SORD: variants seen among roughly 807,000 people sequenced by gnomAD.
The protein encoded by SORD is sorbitol dehydrogenase.
Under a neutral mutation model 35.6 loss-of-function variants are expected in SORD, and 18 were observed. That is an observed-to-expected ratio of 0.51 (90% confidence interval 0.35 to 0.75). SORD has a LOEUF of 0.75. SORD is among the 30% of genes least tolerant of loss of function. The pLI is 0.01. For missense variants in SORD, 250 were observed against 390.2 expected (o/e 0.64, Z 3.03); for synonymous variants, 106 against 152.9 (o/e 0.69, Z 2.26).
At position 45,073,592 on chromosome 15, in the gene SORD, T is replaced by A; in HGVS notation, c.*62T>A. 7.1e-6 allele frequency: 11 copies of A among 1,538,632 alleles called. No individual in the cohort carries two copies. The highest frequency in any genetic ancestry group is 9.6e-6 in the Non-Finnish European group (11 of 1,147,646). On this transcript the variant is annotated 3_prime_UTR_variant, in exon 9 of 9. Transcript: ENST00000267814. The stretch of plus-strand genomic sequence containing the variant: ...GATCTCAGGGCACAATGGCTGGACA[T>A]GGGTGGGCTCTGATGCAGAACTTTC...
Position 45,023,307 on chromosome 15 carries a change from C to T in SORD, c.24C>T (p.Asn8=). 1 of 1,591,284 alleles carries T rather than the reference C, an allele frequency of 6.3e-7. No individual in the cohort carries two copies. Among genetic ancestry groups the T allele is most frequent in the South Asian group, 1.1e-5 (1 of 87,280 alleles). MAAAAKP[N]NLSLVVHGPG... ...CCATGGCGGCGGCGGCCAAGCCCAA[C>T]AACCTTTCCCTGGTGGTGCACGGAC... is the stretch of plus-strand genomic sequence containing the variant. The change falls in exon 1 of 9, where the codon AAC becomes AAT. Residue 8 remains asparagine (N), a synonymous_variant. Transcript: ENST00000267814.
rs1437753472 is a variant in SORD, at chr15:45,053,914, G to A, written c.266-7153G>A. ...GCGGTGTTTGGTTTTTTGTCCTTGC[G>A]ATAGTTTACCGAGAATGATGATTTC... is the stretch of plus-strand genomic sequence containing the variant. On this transcript the variant is annotated intron_variant, in intron 3 of 8. Transcript: ENST00000267814. 2.5e-4 allele frequency among the ~76,000 whole-genome samples: 34 copies of A among 138,278 alleles called. 1 individual carries two copies. Among genetic ancestry groups the A allele is most frequent in the Non-Finnish European group, 3.1e-5 (2 of 64,522 alleles). 90.7% of individuals were successfully genotyped at this position (138,278 alleles called of 152,430 possible). A position where few individuals can be genotyped will look rare whatever the true frequency, so the allele number is the denominator to read the frequency against.
intron 1 of SORD, among the ~76,000 whole-genome samples, chr15:45,029,816 T>G (rs1180170235): frequency 6.6e-6 from 1 of 152,226 alleles, no homozygotes; most frequent in Non-Finnish European, 1.5e-5. Flanking sequence ...GGAGAGGGGA[T>G]GGGAAGGGCA....
At position 45,064,113 on chromosome 15, in the gene SORD, G is replaced by T. The variant is rs553123025; in HGVS notation, c.426-1158G>T. Among the ~76,000 whole-genome samples, 280 of 149,300 alleles carry T rather than the reference G, an allele frequency of 1.9e-3. 1 individual carries two copies. The highest frequency in any genetic ancestry group is 6.8e-3 in the African/African-American group (277 of 40,770). On this transcript the variant is annotated intron_variant, in intron 4 of 8. Transcript: ENST00000267814. ...ATTTATTTCTTTTTGGAACTTGAGGGTTTTCCTGTTCCTGTGTGTGCAGAT... is the reference window on the plus strand; with the variant it reads ...ATTTATTTCTTTTTGGAACTTGAGGTTTTTCCTGTTCCTGTGTGTGCAGAT...
intron 3 of SORD, among the ~76,000 whole-genome samples, chr15:45,058,143 A>C (rs946659436): frequency 2.6e-4 from 40 of 152,228 alleles, no homozygotes; most frequent in African/African-American, 7.7e-4. Context: ...GAATGGAAGA[A>C]AATGTGATAG....
At chr15:45,066,277 C>T (rs934890115) in intron 5 of SORD, among the ~76,000 whole-genome samples, 6 of 146,742 alleles carry the variant, frequency 4.1e-5, no homozygotes, top group African/African-American at 1.0e-4. Flanking sequence ...ATTAATCTGG[C>T]GATTATTTTT....
rs1185573721 is a variant in SORD at position 45,073,459 on chromosome 15, T to C, written c.1003T>C (p.Phe335Leu). ...RFPLEKALEA[F>L]ETFKKGLGLK... ...TCCTCTGGAGAAAGCTCTGGAGGCC[T>C]TTGAAACATTTAAAAAGGGATTGGG... The change falls in exon 9 of 9, where the codon TTT (phenylalanine) becomes CTT (leucine). Residue 335 changes from phenylalanine to leucine, a missense_variant. Phe to Leu is a conservative substitution (Grantham distance 22, BLOSUM62 0). Transcript: ENST00000267814. The C allele has an allele frequency of 2.2e-5, 34 of 1,572,896 alleles. No homozygotes were observed. The highest frequency in any genetic ancestry group is 2.7e-5 in the Non-Finnish European group (32 of 1,166,968).
Position 45,031,024 on chromosome 15 carries a change from G to A in SORD, c.66+7675G>A, listed in dbSNP as rs143951558. On this transcript the variant is annotated intron_variant, in intron 1 of 8. Coordinates refer to ENST00000267814, the MANE Select transcript of SORD (RefSeq NM_003104.6). ...CATGCAAATATATTCAACACACACA[G>A]GCAGTGATAGGGGAGGTCGGGGCAG... Among the ~76,000 whole-genome samples the A allele has an allele frequency of 4.6e-3, 702 of 152,298 alleles. 7 individuals carry two copies. The highest frequency in any genetic ancestry group is 0.016 in the African/African-American group (680 of 41,548).
At chr15:45,042,482 ACT>A (rs1167675934) in intron 2 of SORD, 1 of 151,764 alleles carries the variant, frequency 6.6e-6, no homozygotes, top group Non-Finnish European at 1.5e-5. Context: ...ACAGAGGGAG[ACT>A]CTGTCTAAAA....
intron 1 of SORD, among the ~76,000 whole-genome samples, chr15:45,026,042 A>G (rs561932634): frequency 2.6e-5 from 4 of 152,244 alleles, no homozygotes; most frequent in South Asian, 4.1e-4. Flanking sequence ...GGGCAGAAAG[A>G]GTTGTCAGCA....
intron 3 of SORD, among the ~76,000 whole-genome samples, chr15:45,048,133 A>G (rs1396490011): frequency 6.6e-6 from 1 of 152,198 alleles, no homozygotes; most frequent in Non-Finnish European, 1.5e-5. Flanking sequence ...AATTATTCCT[A>G]CCTGTCTCCC....
intron 3 of SORD, among the ~76,000 whole-genome samples, chr15:45,046,640 C>T (rs577443564): frequency 7.1e-4 from 108 of 152,296 alleles, no homozygotes; most frequent in African/African-American, 2.6e-3. Context: ...CATATGTTAA[C>T]TTGGACTTAA....
At chr15:45,035,745 T>A (rs1412488264) in intron 1 of SORD, among the ~76,000 whole-genome samples, 1 of 152,124 alleles carries the variant, frequency 6.6e-6, no homozygotes, top group African/African-American at 2.4e-5. Context: ...CGTGAAGGTC[T>A]GCAGCTTCAC....
intron 3 of SORD, among the ~76,000 whole-genome samples, chr15:45,059,109 C>T (rs1893262171): frequency 6.6e-6 from 1 of 152,142 alleles, no homozygotes; most frequent in Non-Finnish European, 1.5e-5. Context: ...TTCCAAGCTG[C>T]TCTTTATGTG....
At chr15:45,062,497 G>A (rs1816295960) in intron 4 of SORD, among the ~76,000 whole-genome samples, 2 of 151,928 alleles carry the variant, frequency 1.3e-5, no homozygotes, top group African/African-American at 4.8e-5. Context: ...CCAGGATGGG[G>A]CTTGTCCGGT....
chr15:45,045,218 G>A (rs1483973708), intron 3 of SORD, among the ~76,000 whole-genome samples: 3 of 152,116 alleles, frequency 2.0e-5, no homozygotes, highest in Non-Finnish European at 4.4e-5. Flanking sequence ...AGTTATTGAA[G>A]AGGTCAGAGC....
chr15:45,057,541 T>C (rs1893236920), intron 3 of SORD, among the ~76,000 whole-genome samples: 1 of 152,162 alleles, frequency 6.6e-6, no homozygotes, highest in Admixed American at 6.6e-5. Context: ...TCCCAGCACT[T>C]TGGGAGGCTG....
chr15:45,044,681 A>ATTCT (rs1230985825), intron 3 of SORD, among the ~76,000 whole-genome samples: 1 of 138,738 alleles, frequency 7.2e-6, no homozygotes, highest in African/African-American at 2.6e-5. Flanking sequence ...TAGATGTACA[A>ATTCT]TTCTTTCTTT....
intron 7 of SORD, 25 bp downstream of exon 7, chr15:45,069,077 G>A (rs1187885434): frequency 1.9e-6 from 3 of 1,587,308 alleles, no homozygotes; most frequent in Non-Finnish European, 1.7e-6. Context: ...GGCAGCTTTG[G>A]GGAATCAGCA....
Sources: gnomAD v4.1 joint callset for allele counts (sites outside exome capture counted in the v4.1 genomes callset) on GRCh38, gnomAD v4.1.1 for gene constraint, MANE v1.5 for transcripts, NCBI Gene and HGNC (gene_info 2026-07-23, HGNC 2026-07-21) for gene names.